RFTN1: variants seen among roughly 807,000 people sequenced by gnomAD.
RFTN1 encodes raftlin.
RFTN1 carries 26 observed loss-of-function variants against 46.5 expected under a neutral mutation model. The ratio of observed to expected loss-of-function variants is 0.56; its 90% CI spans 0.41 to 0.78. The LOEUF (loss-of-function observed/expected upper bound fraction) is 0.78. RFTN1 is among the 30% of genes least tolerant of loss of function. The pLI, the probability that RFTN1 is intolerant of heterozygous loss-of-function variation, is 0.00. For missense variants in RFTN1, 693 were observed against 718.7 expected (o/e 0.96, Z 0.41); for synonymous variants, 261 against 284.2 (o/e 0.92, Z 0.82).
At position 16,425,978 on chromosome 3, in the gene RFTN1, C is replaced by T. The variant is rs73043130; in HGVS notation, c.332+7873G>A. ...AGCTGCCAGCAACGGGTGTTCGCCC[C>T]ACCTAAATCGGAATCCAAAATAACG... On this transcript the variant is annotated intron_variant, in intron 3 of 9. Transcript: ENST00000334133. The surrounding 1 kb of genome is among the most constrained non-coding windows in gnomAD (Gnocchi z 4.3). Among the ~76,000 whole-genome samples, 4,556 of 152,232 alleles carry T rather than the reference C, an allele frequency of 0.03. 129 individuals are homozygous for T. Among genetic ancestry groups the T allele is most frequent in the South Asian group, 0.14 (656 of 4,824 alleles).
intron 4 of RFTN1, among the ~76,000 whole-genome samples, chr3:16,390,311 T>G (rs1292080211): frequency 6.6e-6 from 1 of 152,160 alleles, no homozygotes; most frequent in Non-Finnish European, 1.5e-5. Flanking sequence ...AAAGATGCAG[T>G]TAGCAGCACA....
chr3:16,328,347 C>A (rs2069944602), intron 7 of RFTN1, among the ~76,000 whole-genome samples: 1 of 152,244 alleles, frequency 6.6e-6, no homozygotes, highest in Non-Finnish European at 1.5e-5. Flanking sequence ...CAGAAGGTGG[C>A]CACGTGTGGT....
At chr3:16,324,967 T>C (rs907293440) in intron 8 of RFTN1, among the ~76,000 whole-genome samples, 1 of 152,202 alleles carries the variant, frequency 6.6e-6, no homozygotes, top group Non-Finnish European at 1.5e-5. Flanking sequence ...CTCTTTTCTC[T>C]ATACCCTTGT....
In RFTN1 at chr3:16,427,167, A is replaced by T. The variant is rs763698727; in HGVS notation, c.332+6684T>A. On this transcript the variant is annotated intron_variant, in intron 3 of 9. Coordinates refer to ENST00000334133, the MANE Select transcript of RFTN1 (RefSeq NM_015150.2). This position sits in a 1 kb window ranked among gnomAD's most constrained non-coding sequence, Gnocchi z 5.4. ...TACTTTGGAAAAGTGAGGCTAAAAGAGAAGTTTTCACATAAAAATCCAGAT... is the reference window on the plus strand; with the variant it reads ...TACTTTGGAAAAGTGAGGCTAAAAGTGAAGTTTTCACATAAAAATCCAGAT... Among the ~76,000 whole-genome samples the T allele has an allele frequency of 2.6e-5, 4 of 152,252 alleles. No individual in the cohort carries two copies. Among genetic ancestry groups the T allele is most frequent in the Non-Finnish European group, 4.4e-5 (3 of 68,042 alleles).
At chr3:16,485,248 A>C (rs2124977407) in intron 2 of RFTN1, among the ~76,000 whole-genome samples, 1 of 152,354 alleles carries the variant, frequency 6.6e-6, no homozygotes, top group South Asian at 2.1e-4. Context: ...AAATTGTGGC[A>C]CATGCAAACA....
chr3:16,505,784 T>C (rs1380636674), intron 1 of RFTN1, among the ~76,000 whole-genome samples: 1 of 152,136 alleles, frequency 6.6e-6, no homozygotes, highest in Non-Finnish European at 1.5e-5. Context: ...GGCCAAAAAC[T>C]AGGCACCGTA....
Position 16,475,027 on chromosome 3 carries a change from A to G in RFTN1, c.145+18698T>C, listed in dbSNP as rs2076258744. ...GGGTCATAGGGGCGGATCCCTCACG[A>G]AAGGCTTGCTGTCCTCCTTCGAGGT... is the stretch of plus-strand genomic sequence containing the variant. On this transcript the variant is annotated intron_variant, in intron 2 of 9. Coordinates refer to ENST00000334133, the MANE Select transcript of RFTN1 (RefSeq NM_015150.2). The surrounding 1 kb of genome is among the most constrained non-coding windows in gnomAD (Gnocchi z 4.2). Among the ~76,000 whole-genome samples the G allele has an allele frequency of 1.3e-5, 2 of 152,194 alleles. No individual in the cohort carries two copies. Among genetic ancestry groups the G allele is most frequent in the Admixed American group, 1.3e-4 (2 of 15,278 alleles).
chr3:16,366,546 A>C (rs2073186868), intron 6 of RFTN1, among the ~76,000 whole-genome samples: 1 of 151,890 alleles, frequency 6.6e-6, no homozygotes, highest in South Asian at 2.1e-4. Flanking sequence ...GCTGGGGGCC[A>C]CAACTCCTGC....
At chr3:16,394,062 T>C (rs1386198995) in intron 4 of RFTN1, among the ~76,000 whole-genome samples, 1 of 152,144 alleles carries the variant, frequency 6.6e-6, no homozygotes, top group African/African-American at 2.4e-5. Context: ...TTCTTAAAGA[T>C]GGCTTTTAAA....
intron 7 of RFTN1, chr3:16,350,251 C>T (rs956812134): frequency 3.3e-5 from 5 of 152,150 alleles, no homozygotes; most frequent in Admixed American, 2.6e-4. Context: ...TTAACCATTC[C>T]CCTACTGATG....
rs536437034 is a variant in RFTN1 at position 16,447,280 on chromosome 3, C to A, written c.146-13243G>T. ...TCAACAAAACTCAGTCAAATGAGAA[C>A]AGGACCAGACAGCTCTTGTTCTCTA... is the stretch of plus-strand genomic sequence containing the variant. On this transcript the variant is annotated intron_variant, in intron 2 of 9. Coordinates refer to ENST00000334133, the MANE Select transcript of RFTN1 (RefSeq NM_015150.2). This position sits in a 1 kb window ranked among gnomAD's most constrained non-coding sequence, Gnocchi z 5.9. 2.3e-4 allele frequency among the ~76,000 whole-genome samples: 35 copies of A among 152,216 alleles called. No homozygotes were observed. Among genetic ancestry groups the A allele is most frequent in the Non-Finnish European group, 4.4e-4 (30 of 68,040 alleles).
At chr3:16,492,341 C>T (rs762745735) in intron 2 of RFTN1, among the ~76,000 whole-genome samples, 12 of 152,206 alleles carry the variant, frequency 7.9e-5, no homozygotes, top group Non-Finnish European at 1.2e-4. Context: ...AAGAGAAACA[C>T]CTGCAGACCC....
At position 16,337,939 on chromosome 3, in the gene RFTN1, C is replaced by T. The variant is rs551053498; in HGVS notation, c.1147-11063G>A. ...CTGAAGTCTAATTTATGATAACCTA[C>T]TGTGAGGCCCAGCAGTGCCACCAGC... is the stretch of plus-strand genomic sequence containing the variant. On this transcript the variant is annotated intron_variant, in intron 7 of 9. Transcript: ENST00000334133. The surrounding 1 kb of genome is among the most constrained non-coding windows in gnomAD (Gnocchi z 5.0). Among the ~76,000 whole-genome samples, 4 of 152,152 alleles carry T rather than the reference C, an allele frequency of 2.6e-5. No homozygotes were observed. The highest frequency in any genetic ancestry group is 4.4e-5 in the Non-Finnish European group (3 of 68,030).
Position 16,335,121 on chromosome 3 carries a change from C to G in RFTN1, c.1147-8245G>C, listed in dbSNP as rs147487560. Among the ~76,000 whole-genome samples, 1 of 152,214 alleles carries G rather than the reference C, an allele frequency of 6.6e-6. No homozygotes were observed. Among genetic ancestry groups the G allele is most frequent in the African/African-American group, 2.4e-5 (1 of 41,452 alleles). ...CAACAAATGTAAGACAATAAACTTG[C>G]GTTGTTTTAAGTCACTAAATCTGTG... On this transcript the variant is annotated intron_variant, in intron 7 of 9. Transcript: ENST00000334133. The surrounding 1 kb of genome is among the most constrained non-coding windows in gnomAD (Gnocchi z 4.7).
At chr3:16,469,043 G>A (rs552789072) in intron 2 of RFTN1, among the ~76,000 whole-genome samples, 7 of 152,304 alleles carry the variant, frequency 4.6e-5, no homozygotes, top group South Asian at 2.1e-4. Context: ...TTGAGTTCCC[G>A]CCTATCCCAC....
At position 16,440,869 on chromosome 3, in the gene RFTN1, G is replaced by T. The variant is rs1000663102; in HGVS notation, c.146-6832C>A. Among the ~76,000 whole-genome samples the T allele has an allele frequency of 1.3e-5, 2 of 152,188 alleles. No individual in the cohort carries two copies. The highest frequency in any genetic ancestry group is 2.9e-5 in the Non-Finnish European group (2 of 68,034). Reference sequence around the variant, plus strand: ...GGGGCATTTGATAAAGTTGGGGGATGGATGCCCCGCACTTCTTCCTATTTC... The same window carrying T: ...GGGGCATTTGATAAAGTTGGGGGATTGATGCCCCGCACTTCTTCCTATTTC... On this transcript the variant is annotated intron_variant, in intron 2 of 9. Transcript: ENST00000334133. The surrounding 1 kb of genome is among the most constrained non-coding windows in gnomAD (Gnocchi z 4.6).
rs967716798 is a variant in RFTN1 at position 16,386,809 on chromosome 3, C to T, written c.442-8707G>A. 6.6e-5 allele frequency among the ~76,000 whole-genome samples: 10 copies of T among 152,012 alleles called. No individual in the cohort carries two copies. In the Middle Eastern group the frequency reaches 0.01, roughly 155 times the overall value. On this transcript the variant is annotated intron_variant, in intron 4 of 9. Coordinates refer to ENST00000334133, the MANE Select transcript of RFTN1 (RefSeq NM_015150.2). ...GGAGGCAAGGGACATGGCTGGGGCC[C>T]GGAAGTAACTGCAGAGCTCATGGGA...
Position 16,362,356 on chromosome 3 carries a change from GCCT to G in RFTN1, c.1031-4312_1031-4310del, listed in dbSNP as rs1275944950. Among the ~76,000 whole-genome samples the G allele has an allele frequency of 2.6e-5, 4 of 152,236 alleles. No individual in the cohort carries two copies. In the East Asian group the frequency reaches 7.7e-4, roughly 29 times the overall value. ...GTTCCTCCCAAGTGCTTATTCCATG[GCCT>G]CCTAAGAGACATGTTTCATAGGTTA... On this transcript the variant is annotated intron_variant, in intron 6 of 9. Transcript: ENST00000334133.
rs1377532157 is a variant in RFTN1 at position 16,450,551 on chromosome 3, G to A, written c.146-16514C>T. 6.6e-6 allele frequency among the ~76,000 whole-genome samples: 1 copy of A among 152,174 alleles called. No individual in the cohort carries two copies. Among genetic ancestry groups the A allele is most frequent in the Non-Finnish European group, 1.5e-5 (1 of 68,038 alleles). ...TCCCATGTCTATGCTCCCTCAGGTG[G>A]CTTCCACAGGCAAATTAGCTTCATC... On this transcript the variant is annotated intron_variant, in intron 2 of 9. Coordinates refer to ENST00000334133, the MANE Select transcript of RFTN1 (RefSeq NM_015150.2). This position sits in a 1 kb window ranked among gnomAD's most constrained non-coding sequence, Gnocchi z 4.6.
Sources: allele counts gnomAD v4.1 joint callset (sites outside exome capture counted in the v4.1 genomes callset), GRCh38; gene constraint gnomAD v4.1.1; non-coding constraint Gnocchi (gnomAD v3.1); transcripts MANE v1.5; gene names NCBI Gene and HGNC (gene_info 2026-07-23, HGNC 2026-07-21).